Variants in LRRC4C observed in about 807,000 individuals in gnomAD.
LRRC4C encodes the protein leucine rich repeat containing 4C.
Under a neutral mutation model 33.6 loss-of-function variants are expected in LRRC4C, and 5 were observed. The ratio of observed to expected loss-of-function variants is 0.15; its 90% CI spans 0.08 to 0.31. LRRC4C has a LOEUF of 0.31. LRRC4C is among the 10% of genes least tolerant of loss of function. LRRC4C has a pLI of 1.00. For missense variants in LRRC4C, 560 were observed against 796.7 expected (o/e 0.70, Z 3.58); for synonymous variants, 329 against 302.0 (o/e 1.09, Z -0.93).
chr11:40,639,814 T>C (rs2172860), intron 3 of LRRC4C, among the ~76,000 whole-genome samples: 67,442 of 152,126 alleles, frequency 0.44, 16,728 homozygotes, highest in East Asian at 0.61. Context: ...ATTCCCGTGA[T>C]TTTTCAGCAT....
At chr11:40,287,252 C>T (rs1216901463) in intron 4 of LRRC4C, among the ~76,000 whole-genome samples, 1 of 103,532 alleles carries the variant, frequency 9.7e-6, no homozygotes, top group Non-Finnish European at 1.9e-5. Flanking sequence ...CTTAATGTCA[C>T]TGTATGTGTG....
intron 1 of LRRC4C, among the ~76,000 whole-genome samples, chr11:41,286,382 G>A (rs1949828813): frequency 6.6e-6 from 1 of 152,000 alleles, no homozygotes; most frequent in Non-Finnish European, 1.5e-5. Flanking sequence ...CTTTCTAATG[G>A]ACCCAGAAAT....
intron 1 of LRRC4C, among the ~76,000 whole-genome samples, chr11:41,227,514 T>C (rs1433737351): frequency 3.3e-5 from 5 of 152,122 alleles, no homozygotes; most frequent in African/African-American, 9.7e-5. Context: ...CTTTTATTTT[T>C]ACTTTTCAGA....
intron 1 of LRRC4C, among the ~76,000 whole-genome samples, chr11:41,325,566 GTTTTT>G (rs71466927): frequency 1.7e-4 from 18 of 106,544 alleles, no homozygotes; most frequent in South Asian, 3.1e-4. Context: ...TGTCCTTATA[GTTTTT>G]TTTTTTTGTG....
At chr11:41,123,624 A>G (rs1440002449) in intron 1 of LRRC4C, among the ~76,000 whole-genome samples, 1 of 152,004 alleles carries the variant, frequency 6.6e-6, no homozygotes, top group East Asian at 1.9e-4. Context: ...TTGTCCTCAG[A>G]AGAACACAGG....
At chr11:41,118,739 T>C (rs1357488371) in intron 1 of LRRC4C, among the ~76,000 whole-genome samples, 3 of 152,162 alleles carry the variant, frequency 2.0e-5, no homozygotes, top group Non-Finnish European at 4.4e-5. Context: ...GTTGTCTTTT[T>C]AGTAAAGCAA....
At chr11:40,806,349 C>T (rs771585241) in intron 2 of LRRC4C, among the ~76,000 whole-genome samples, 1 of 152,214 alleles carries the variant, frequency 6.6e-6, no homozygotes, top group Non-Finnish European at 1.5e-5. Context: ...TCCATGTCCA[C>T]GTCCATCTGT....
intron 1 of LRRC4C, among the ~76,000 whole-genome samples, chr11:41,335,405 C>T (rs1047532817): frequency 5.3e-5 from 8 of 152,170 alleles, no homozygotes; most frequent in African/African-American, 1.9e-4. Context: ...AGATTGAAAG[C>T]TTATGACTCC....
chr11:41,179,367 A>G (rs555944353), intron 1 of LRRC4C, among the ~76,000 whole-genome samples: 13 of 152,316 alleles, frequency 8.5e-5, no homozygotes, highest in African/African-American at 2.9e-4. Context: ...GATTAAGGCT[A>G]TAATGGCAGC....
chr11:41,377,203 TC>T (rs1332383419), intron 1 of LRRC4C, among the ~76,000 whole-genome samples: 2 of 152,194 alleles, frequency 1.3e-5, no homozygotes, highest in Non-Finnish European at 2.9e-5. Flanking sequence ...CCTTTTTTCT[TC>T]CTTTCATTCT....
intron 1 of LRRC4C, among the ~76,000 whole-genome samples, chr11:41,175,650 T>G (rs951515476): frequency 2.6e-5 from 4 of 152,138 alleles, no homozygotes; most frequent in Admixed American, 6.5e-5. Flanking sequence ...CCTTACTATA[T>G]GCTGAAGAAA....
chr11:40,330,838 A>G (rs1479458289), intron 3 of LRRC4C, among the ~76,000 whole-genome samples: 2 of 152,180 alleles, frequency 1.3e-5, no homozygotes, highest in Non-Finnish European at 2.9e-5. Flanking sequence ...GACACAGCCA[A>G]ACCATATCAC....
chr11:40,990,263 ATATATATAT>A (rs1380477668), intron 1 of LRRC4C, among the ~76,000 whole-genome samples: 1 of 139,916 alleles, frequency 7.1e-6, no homozygotes, highest in African/African-American at 2.7e-5. Flanking sequence ...ATATATATAT[ATATATATAT>A]ATGAATATAT....
intron 3 of LRRC4C, chr11:40,445,755 A>C (rs1051122090): frequency 6.6e-6 from 1 of 152,134 alleles, no homozygotes; most frequent in Non-Finnish European, 1.5e-5. Context: ...TTTATAGGAT[A>C]TTTCCCCTGT....
intron 3 of LRRC4C, among the ~76,000 whole-genome samples, chr11:40,385,446 T>C (rs1949068041): frequency 6.6e-6 from 1 of 152,172 alleles, no homozygotes; most frequent in African/African-American, 2.4e-5. Context: ...TTTTAAAAAT[T>C]ACAAATACCA....
intron 1 of LRRC4C, among the ~76,000 whole-genome samples, chr11:41,094,388 G>T (rs1940664826): frequency 6.6e-6 from 1 of 151,898 alleles, no homozygotes; most frequent in Non-Finnish European, 1.5e-5. Context: ...AGCCGGCCTG[G>T]TGGCGTGTGC....
chr11:40,428,940 T>C (rs1451452410), intron 3 of LRRC4C, among the ~76,000 whole-genome samples: 1 of 152,190 alleles, frequency 6.6e-6, no homozygotes, highest in African/African-American at 2.4e-5. Context: ...AGTAAATACA[T>C]TTCTAAAAAG....
chr11:40,935,556 T>G (rs1957840312), intron 1 of LRRC4C, among the ~76,000 whole-genome samples: 1 of 152,106 alleles, frequency 6.6e-6, no homozygotes, highest in Admixed American at 6.6e-5. Context: ...TCCTATAATA[T>G]TTCAGTACAG....
At chr11:40,790,630 A>G (rs927100962) in intron 2 of LRRC4C, among the ~76,000 whole-genome samples, 1 of 152,212 alleles carries the variant, frequency 6.6e-6, no homozygotes, top group African/African-American at 2.4e-5. Context: ...ATAGACAACA[A>G]CATCTCATCA....
Sources: gnomAD v4.1 joint callset for allele counts (sites outside exome capture counted in the v4.1 genomes callset) on GRCh38, gnomAD v4.1.1 for gene constraint, MANE v1.5 for transcripts, NCBI Gene and HGNC (gene_info 2026-07-23, HGNC 2026-07-21) for gene names.